The following NIPBL variants were observed in gnomAD, a reference collection of about 807,000 sequenced individuals.
The protein encoded by NIPBL is NIPBL cohesin loading factor.
NIPBL carries 19 observed loss-of-function variants against 321.8 expected under a neutral mutation model. That is an observed-to-expected ratio of 0.06 (90% CI 0.04 to 0.09). The LOEUF is 0.09. Ranked by LOEUF, NIPBL falls within the 10% of genes least tolerant of loss-of-function variation. The pLI is 1.00. For synonymous variants in NIPBL, 1,106 were observed against 1,114.1 expected, an observed-to-expected ratio of 0.99 and a Z score of 0.14; for missense variants, 2,210 against 3,327.0, an observed-to-expected ratio of 0.66 and a Z score of 8.26.
At chr5:37,054,143 C>G (rs1210766318) in intron 42 of NIPBL, among the ~76,000 whole-genome samples, 3 of 148,948 alleles carry the variant, frequency 2.0e-5, no homozygotes, top group African/African-American at 7.5e-5. Flanking sequence ...TTGCAGTGAG[C>G]TGAGATCACG....
intron 1 of NIPBL, among the ~76,000 whole-genome samples, chr5:36,929,609 A>T (rs1050190336): frequency 3.9e-5 from 6 of 151,970 alleles, no homozygotes; most frequent in African/African-American, 1.4e-4. Flanking sequence ...TGTTTTTGTT[A>T]TCTAAGAACT....
At chr5:37,018,038 G>T (rs941801847) in intron 24 of NIPBL, among the ~76,000 whole-genome samples, 1 of 152,018 alleles carries the variant, frequency 6.6e-6, no homozygotes, top group Non-Finnish European at 1.5e-5. Context: ...GATTTTCCAA[G>T]TATGATCCCC....
At chr5:36,988,769 G>C (rs1745133228) in intron 10 of NIPBL, among the ~76,000 whole-genome samples, 1 of 151,996 alleles carries the variant, frequency 6.6e-6, no homozygotes, top group African/African-American at 2.4e-5. Context: ...GGCCAAAATT[G>C]AAGAGCCATA....
intron 14 of NIPBL, 49 bp downstream of exon 14, chr5:37,001,127 G>C: frequency 8.1e-7 from 1 of 1,230,470 alleles, no homozygotes; most frequent in Non-Finnish European, 1.2e-6. Flanking sequence ...TGTCTTAACT[G>C]TATCCTCTAG....
At position 37,027,327 on chromosome 5, in the gene NIPBL, C is replaced by A. The variant is rs186880901; in HGVS notation, c.5809-32C>A. 397 of 1,521,562 alleles carry A rather than the reference C, an allele frequency of 2.6e-4. 3 individuals are homozygous for A. In the East Asian group the frequency reaches 7.8e-3, roughly 30 times the overall value. The allele number at this position is 1,521,562 out of a possible 1,614,324, so 94.3% of individuals were successfully genotyped here. ...TATTTTATTCACATTTATAAATATA[C>A]TTCTAACTTTGATTCTTTTCATCAC... On this transcript the variant is annotated intron_variant, in intron 31 of 46. Transcript: ENST00000282516.
chr5:37,062,849 G>A, intron 45 of NIPBL, among the ~76,000 whole-genome samples: 1 of 152,062 alleles, frequency 6.6e-6, no homozygotes, highest in East Asian at 1.9e-4. Flanking sequence ...AAGCCTGGGA[G>A]GTGGAGGCTA....
intron 1 of NIPBL, among the ~76,000 whole-genome samples, chr5:36,889,527 G>A (rs1003403106): frequency 5.9e-5 from 9 of 152,058 alleles, no homozygotes; most frequent in Non-Finnish European, 1.2e-4. Flanking sequence ...ACTGTCCTCC[G>A]TATTCATATG....
chr5:36,975,144 G>C (rs542941065), intron 8 of NIPBL, among the ~76,000 whole-genome samples: 29 of 152,118 alleles, frequency 1.9e-4, no homozygotes, highest in Non-Finnish European at 3.8e-4. Context: ...AAGAGGATTA[G>C]CAAGCTGAAG....
rs562763602 is a variant in NIPBL, at chr5:36,978,096, A to AT, written c.1495+1701dup. 2.0e-3 allele frequency among the ~76,000 whole-genome samples: 311 copies of AT among 152,004 alleles called. 3 individuals are homozygous for AT. The highest frequency in any genetic ancestry group is 3.5e-3 in the Admixed American group (54 of 15,240). The stretch of plus-strand genomic sequence containing the variant: ...GTGCAGGTGTCTTTTTTATAAAGTA[A>AT]TTTTTTTCCCTATGGATAGAAACCC... On this transcript the variant is annotated intron_variant, in intron 9 of 46. Coordinates refer to ENST00000282516, the MANE Select transcript of NIPBL (RefSeq NM_133433.4).
In NIPBL at chr5:37,020,757, A is replaced by T. The variant is rs772031323; in HGVS notation, c.5226-18A>T. ...TACAAAAAAAGAAAAATAAATTTTTAATGACTTTTTGTTGCAGGATGAACT... is the reference window on the plus strand; with the variant it reads ...TACAAAAAAAGAAAAATAAATTTTTTATGACTTTTTGTTGCAGGATGAACT... On this transcript the variant is annotated intron_variant, in intron 26 of 46. Transcript: ENST00000282516. 2 of 1,610,392 alleles carry T rather than the reference A, an allele frequency of 1.2e-6. No homozygotes were observed. Among genetic ancestry groups the T allele is most frequent in the Non-Finnish European group, 1.7e-6 (2 of 1,176,804 alleles).
At chr5:36,982,470 C>A (rs1744254451) in intron 9 of NIPBL, among the ~76,000 whole-genome samples, 1 of 151,782 alleles carries the variant, frequency 6.6e-6, no homozygotes, top group Admixed American at 6.6e-5. Flanking sequence ...CCAGGTTTTA[C>A]AGGAGTAAAG....
At chr5:36,946,664 A>G (rs1739719338) in intron 1 of NIPBL, among the ~76,000 whole-genome samples, 1 of 152,026 alleles carries the variant, frequency 6.6e-6, no homozygotes, top group African/African-American at 2.4e-5. Context: ...AACATTAGCA[A>G]AGGTGTTAAT....
intron 16 of NIPBL, among the ~76,000 whole-genome samples, chr5:37,004,801 T>G (rs1747232982): frequency 6.6e-6 from 1 of 152,210 alleles, no homozygotes; most frequent in Non-Finnish European, 1.5e-5. Context: ...AGCTATATTC[T>G]AATCCAGCAA....
At chr5:37,044,764 C>A in intron 36 of NIPBL, 35 bp downstream of exon 36, 1 of 1,464,170 alleles carries the variant, frequency 6.8e-7, no homozygotes, top group Non-Finnish European at 9.6e-7. Flanking sequence ...AATTATTCTG[C>A]TAGGTCCTGC....
rs932733211 is a variant in NIPBL at position 37,066,251 on chromosome 5, T to C, written c.*1359T>C. The C allele has an allele frequency of 5.3e-5, 8 of 152,204 alleles. No homozygotes were observed. Among genetic ancestry groups the C allele is most frequent in the Non-Finnish European group, 8.8e-5 (6 of 68,012 alleles). The allele number at this position is 152,204 out of a possible 1,614,324, so 9.4% of individuals were successfully genotyped here. On this transcript the variant is annotated 3_prime_UTR_variant, in exon 47 of 47. Coordinates refer to ENST00000282516, the MANE Select transcript of NIPBL (RefSeq NM_133433.4). ...GAGGTCTGTTTCAAGTTTAATTCTT[T>C]TTAAAAATGTTTTACTTATTTTTAA...
rs1361507898 is a variant in NIPBL, at chr5:37,000,433, G to A, written c.3365G>A (p.Arg1122Lys). 1 of 1,613,414 alleles carries A rather than the reference G, an allele frequency of 6.2e-7. No individual in the cohort carries two copies. The highest frequency in any genetic ancestry group is 2.2e-5 in the East Asian group (1 of 44,860). The change falls in exon 12 of 47, where the codon AGA (arginine) becomes AAA (lysine). Residue 1122 changes from arginine (R) to lysine (K), a missense_variant. By Grantham distance (26) the Arg-to-Lys change is conservative. Coordinates refer to ENST00000282516, the MANE Select transcript of NIPBL (RefSeq NM_133433.4). Reference protein sequence around the residue: ...DKAWEYEERDRRSSGDHRRSG... With the variant: ...DKAWEYEERDKRSSGDHRRSG... ...GCTTGGGAATATGAAGAGCGTGACA[G>A]AAGAAGCTCTGGGGATCATAGGAGA...
intron 42 of NIPBL, among the ~76,000 whole-genome samples, chr5:37,056,030 C>A (rs1431827874): frequency 6.6e-6 from 1 of 151,816 alleles, no homozygotes. Flanking sequence ...CTAAACTATT[C>A]TTTGAAGAAC....
At chr5:36,983,572 G>A (rs1744392963) in intron 9 of NIPBL, among the ~76,000 whole-genome samples, 2 of 151,926 alleles carry the variant, frequency 1.3e-5, no homozygotes, top group South Asian at 4.1e-4. Flanking sequence ...AGAATCTAGA[G>A]ATTGCCTTGT....
At chr5:36,954,082 T>G (rs1740688271) in intron 2 of NIPBL, among the ~76,000 whole-genome samples, 1 of 152,224 alleles carries the variant, frequency 6.6e-6, no homozygotes, top group Admixed American at 6.5e-5. Flanking sequence ...TTCAGAGATT[T>G]ATTCTTTTGT....
Sources: gnomAD v4.1 joint callset for allele counts (sites outside exome capture counted in the v4.1 genomes callset) on GRCh38, gnomAD v4.1.1 for gene constraint, MANE v1.5 for transcripts, NCBI Gene and HGNC (gene_info 2026-07-23, HGNC 2026-07-21) for gene names.